The following KCNIP4 variants were observed in gnomAD, a reference collection of about 807,000 sequenced individuals.
KCNIP4 encodes potassium voltage-gated channel interacting protein 4.
A neutral mutation model predicts 34.0 loss-of-function variants in KCNIP4; 12 were observed. The ratio of observed to expected loss-of-function variants is 0.35; its 90% CI spans 0.23 to 0.57. The LOEUF (loss-of-function observed/expected upper bound fraction) is 0.57, where lower values mean the gene tolerates loss of function less well. Ranked by LOEUF, KCNIP4 falls within the 20% of genes least tolerant of loss-of-function variation. The probability of loss-of-function intolerance (pLI) is 0.83; values close to 1 mark genes in which losing one functional copy is unlikely to be tolerated. For synonymous variants in KCNIP4, 124 were observed against 102.2 expected (o/e 1.21, Z -1.29); for missense variants, 238 against 311.7 (o/e 0.76, Z 1.78).
At chr4:21,682,402 C>G (rs573779928) in intron 1 of KCNIP4, among the ~76,000 whole-genome samples, 1 of 152,166 alleles carries the variant, frequency 6.6e-6, no homozygotes, top group Non-Finnish European at 1.5e-5. Context: ...CTGGATTAGG[C>G]TTTGGCTTAA....
chr4:21,180,392 C>T, intron 1 of KCNIP4, among the ~76,000 whole-genome samples: 1 of 151,920 alleles, frequency 6.6e-6, no homozygotes, highest in African/African-American at 2.4e-5. Flanking sequence ...ATATCTGTAT[C>T]CCTAGAGTTC....
intron 1 of KCNIP4, among the ~76,000 whole-genome samples, chr4:21,717,133 G>A (rs1714447900): frequency 6.6e-6 from 1 of 152,058 alleles, no homozygotes; most frequent in East Asian, 1.9e-4. Context: ...GTTTTGGAGG[G>A]GTATCCTGTG....
At chr4:21,060,791 A>G (rs1743848638) in intron 1 of KCNIP4, among the ~76,000 whole-genome samples, 1 of 152,202 alleles carries the variant, frequency 6.6e-6, no homozygotes, top group Admixed American at 6.5e-5. Flanking sequence ...GAATTGTTTG[A>G]AAGAAAACTT....
intron 1 of KCNIP4, among the ~76,000 whole-genome samples, chr4:21,404,632 T>G (rs1352784645): frequency 6.6e-6 from 1 of 152,168 alleles, no homozygotes; most frequent in Non-Finnish European, 1.5e-5. Context: ...TTATTCAACA[T>G]CTAATATAAA....
At chr4:20,749,155 CAAA>C (rs1553888859) in intron 5 of KCNIP4, among the ~76,000 whole-genome samples, 41 of 128,980 alleles carry the variant, frequency 3.2e-4, no homozygotes, top group South Asian at 1.5e-3. Context: ...GAGACTCTTT[CAAA>C]AAAAAAAAAA....
At chr4:21,097,508 T>C (rs1232909501) in intron 1 of KCNIP4, among the ~76,000 whole-genome samples, 1 of 152,180 alleles carries the variant, frequency 6.6e-6, no homozygotes, top group African/African-American at 2.4e-5. Flanking sequence ...ATTTAAAGTC[T>C]CAGTGTCACA....
At chr4:21,919,975 C>A (rs1357958261) in intron 1 of KCNIP4, among the ~76,000 whole-genome samples, 1 of 152,124 alleles carries the variant, frequency 6.6e-6, no homozygotes, top group Non-Finnish European at 1.5e-5. Context: ...AAAACCAATT[C>A]ATAAGCTGTA....
chr4:21,324,812 TGATAG>T (rs1401052237), intron 1 of KCNIP4, among the ~76,000 whole-genome samples: 1 of 151,936 alleles, frequency 6.6e-6, no homozygotes, highest in African/African-American at 2.4e-5. Flanking sequence ...TTGGTTATTT[TGATAG>T]GAATTGCATC....
chr4:21,383,217 C>A (rs1288481987), intron 1 of KCNIP4, among the ~76,000 whole-genome samples: 4 of 152,142 alleles, frequency 2.6e-5, no homozygotes, highest in Non-Finnish European at 5.9e-5. Context: ...GCCTCCAGAA[C>A]TGTGATCAAT....
intron 1 of KCNIP4, among the ~76,000 whole-genome samples, chr4:21,466,367 G>T (rs1729941065): frequency 1.3e-5 from 2 of 152,138 alleles, no homozygotes; most frequent in African/African-American, 4.8e-5. Context: ...CCCTAATCTA[G>T]GCCAGATGGC....
chr4:20,863,039 G>A (rs1350702923), intron 2 of KCNIP4, among the ~76,000 whole-genome samples: 1 of 152,074 alleles, frequency 6.6e-6, no homozygotes, highest in Non-Finnish European at 1.5e-5. Context: ...ATGTGACTGT[G>A]CAGTGGGTTC....
intron 1 of KCNIP4, among the ~76,000 whole-genome samples, chr4:21,512,200 CGAAG>C (rs1411979812): frequency 3.5e-3 from 128 of 36,110 alleles, no homozygotes; most frequent in Non-Finnish European, 9.2e-3. Flanking sequence ...AAGGAACGAA[CGAAG>C]GAAGGAAGGA....
chr4:20,939,054 A>AT (rs775774279), intron 1 of KCNIP4, among the ~76,000 whole-genome samples: 89 of 151,266 alleles, frequency 5.9e-4, no homozygotes, highest in African/African-American at 1.8e-3. Context: ...CATTTTTCAC[A>AT]TTTTTTTTTA....
chr4:21,866,111 C>T (rs1725398468), intron 1 of KCNIP4, among the ~76,000 whole-genome samples: 2 of 152,058 alleles, frequency 1.3e-5, no homozygotes, highest in African/African-American at 4.8e-5. Flanking sequence ...ATAAAGCTTG[C>T]AGAGTTGCAT....
intron 1 of KCNIP4, among the ~76,000 whole-genome samples, chr4:21,239,767 C>G (rs1043335727): frequency 7.2e-5 from 11 of 152,158 alleles, no homozygotes; most frequent in African/African-American, 2.4e-4. Flanking sequence ...CACTTTTACA[C>G]TGTTGGTGGG....
intron 1 of KCNIP4, among the ~76,000 whole-genome samples, chr4:21,680,766 T>C (rs911805744): frequency 2.0e-5 from 3 of 152,206 alleles, no homozygotes; most frequent in African/African-American, 7.2e-5. Context: ...AAAGTAATCA[T>C]TTTTTCTAAG....
At chr4:21,225,635 T>A (rs1208550637) in intron 1 of KCNIP4, among the ~76,000 whole-genome samples, 1 of 152,138 alleles carries the variant, frequency 6.6e-6, no homozygotes. Flanking sequence ...ACACTCCTCT[T>A]ATAGGATGCT....
chr4:21,842,544 G>A (rs1723748201), intron 1 of KCNIP4, among the ~76,000 whole-genome samples: 1 of 151,928 alleles, frequency 6.6e-6, no homozygotes, highest in Non-Finnish European at 1.5e-5. Flanking sequence ...TATGTACAAA[G>A]GCTGTATTTT....
intron 1 of KCNIP4, among the ~76,000 whole-genome samples, chr4:21,103,812 C>A (rs913268538): frequency 6.8e-6 from 1 of 147,362 alleles, no homozygotes; most frequent in Non-Finnish European, 1.5e-5. Context: ...TCAATTCCCA[C>A]CTATGAGTGA....
Sources: allele counts gnomAD v4.1 joint callset (sites outside exome capture counted in the v4.1 genomes callset), GRCh38; gene constraint gnomAD v4.1.1; transcripts MANE v1.5; gene names NCBI Gene and HGNC (gene_info 2026-07-23, HGNC 2026-07-21).